The following RXRA variants were observed in gnomAD, a reference collection of about 807,000 sequenced individuals.
The protein encoded by RXRA is retinoid X receptor alpha, also known as retinoic acid receptor RXR-alpha.
RXRA carries 5 observed loss-of-function variants against 44.5 expected under a neutral mutation model. The ratio of observed to expected loss-of-function variants is 0.11; its 90% CI spans 0.06 to 0.24. The LOEUF (loss-of-function observed/expected upper bound fraction) is 0.24, where lower values mean the gene tolerates loss of function less well. RXRA is among the 10% of genes least tolerant of loss of function. The probability of loss-of-function intolerance (pLI) is 1.00; values close to 1 mark genes in which losing one functional copy is unlikely to be tolerated. For missense variants in RXRA, 412 were observed against 646.5 expected (o/e 0.64, Z 3.93); for synonymous variants, 291 against 271.4 (o/e 1.07, Z -0.71).
intron 1 of RXRA, 106 bp from the exon 2 acceptor site, chr9:134,401,525 CG>C (rs1830959325): frequency 6.4e-7 from 1 of 1,561,074 alleles, no homozygotes; most frequent in East Asian, 2.2e-5. Context: ...TTGAGGGTGC[CG>C]GGGTCTTCCC....
chr9:134,335,289 AG>A (rs774802870), intron 1 of RXRA, among the ~76,000 whole-genome samples: 198 of 152,266 alleles, frequency 1.3e-3, no homozygotes, highest in Admixed American at 5.3e-3. Flanking sequence ...ACTAGGCCTC[AG>A]TTGTCTCACC....
chr9:134,329,185 T>TG (rs1405748593), intron 1 of RXRA, among the ~76,000 whole-genome samples: 1 of 152,156 alleles, frequency 6.6e-6, no homozygotes, highest in Admixed American at 6.5e-5. Context: ...TTGGGGCACT[T>TG]GGGGGCCTGG....
chr9:134,368,076 C>T (rs992364707), intron 1 of RXRA, among the ~76,000 whole-genome samples: 2 of 152,244 alleles, frequency 1.3e-5, no homozygotes, highest in Non-Finnish European at 2.9e-5. Flanking sequence ...CAGGAGCCTG[C>T]GGCAGCGGGC....
intron 4 of RXRA, among the ~76,000 whole-genome samples, chr9:134,416,309 C>G (rs554430366): frequency 9.2e-5 from 14 of 152,162 alleles, no homozygotes; most frequent in African/African-American, 3.1e-4. Flanking sequence ...TGCCTCAGGC[C>G]CCTTTGCTGA....
intron 1 of RXRA, among the ~76,000 whole-genome samples, chr9:134,375,895 G>C (rs1830549622): frequency 6.6e-6 from 1 of 151,870 alleles, no homozygotes; most frequent in Non-Finnish European, 1.5e-5. Context: ...CCTGCGACTC[G>C]ATGGCAGAGG....
chr9:134,410,545 T>G (rs561618218), intron 4 of RXRA, among the ~76,000 whole-genome samples: 1 of 152,240 alleles, frequency 6.6e-6, no homozygotes, highest in Non-Finnish European at 1.5e-5. Context: ...TCCGGGTGCC[T>G]GGTGTGGGCA....
intron 1 of RXRA, among the ~76,000 whole-genome samples, chr9:134,371,181 C>A (rs140633391): frequency 1.3e-5 from 2 of 152,218 alleles, no homozygotes; most frequent in African/African-American, 4.8e-5. Flanking sequence ...TCCCTCCCAC[C>A]GGCCCAGTGG....
chr9:134,377,842 AC>A (rs1350190185), intron 1 of RXRA, among the ~76,000 whole-genome samples: 1 of 151,848 alleles, frequency 6.6e-6, no homozygotes, highest in Admixed American at 6.6e-5. Context: ...CTCCACACCC[AC>A]CTCCATCAGA....
At chr9:134,406,238 AAAAAAAATAGCTG>A (rs1831047862) in intron 2 of RXRA, 1 of 152,054 alleles carries the variant, frequency 6.6e-6, no homozygotes, top group Admixed American at 6.6e-5. Flanking sequence ...CACTAGAAAA[AAAAAAAATAGCTG>A]AGTGCAGTGG....
intron 1 of RXRA, among the ~76,000 whole-genome samples, chr9:134,348,161 C>A (rs928968484): frequency 1.3e-5 from 2 of 152,076 alleles, no homozygotes; most frequent in Non-Finnish European, 2.9e-5. Flanking sequence ...GGGTGCCAGG[C>A]GCGGCAGTTG....
intron 6 of RXRA, chr9:134,422,605 A>C (rs146904990): frequency 2.1e-5 from 17 of 803,002 alleles, no homozygotes; most frequent in African/African-American, 1.5e-4. Context: ...CCCCGCTCCC[A>C]GGACGCTCCC....
At chr9:134,429,936 A>G (rs1831503495) in intron 7 of RXRA, among the ~76,000 whole-genome samples, 2 of 151,336 alleles carry the variant, frequency 1.3e-5, no homozygotes, top group South Asian at 4.2e-4. Context: ...CCCAGGCTAG[A>G]TTGCAGTGGT....
At chr9:134,436,433 C>T (rs1183663344) in intron 9 of RXRA, 34 bp from the exon 10 acceptor site, 1 of 1,609,954 alleles carries the variant, frequency 6.2e-7, no homozygotes, top group Non-Finnish European at 8.5e-7. Flanking sequence ...GCCCATGCCC[C>T]TTGCCCGGCC....
At chr9:134,434,868 G>GGGC (rs1831590554) in intron 9 of RXRA, among the ~76,000 whole-genome samples, 2 of 150,908 alleles carry the variant, frequency 1.3e-5, no homozygotes, top group African/African-American at 4.9e-5. Context: ...GGGCGGGGAG[G>GGGC]GGGTCGGGGG....
At chr9:134,331,544 G>A (rs1835006211) in intron 1 of RXRA, among the ~76,000 whole-genome samples, 1 of 152,230 alleles carries the variant, frequency 6.6e-6, no homozygotes, top group Admixed American at 6.5e-5. Context: ...GGATCATGGT[G>A]CTCCCTGCTG....
intron 1 of RXRA, among the ~76,000 whole-genome samples, chr9:134,328,696 C>G (rs1020695034): frequency 1.3e-5 from 2 of 152,208 alleles, no homozygotes; most frequent in Non-Finnish European, 2.9e-5. Context: ...AATCCCTCCT[C>G]GGGGTGAGTG....
chr9:134,346,077 C>T (rs1446240497), intron 1 of RXRA, among the ~76,000 whole-genome samples: 2 of 152,176 alleles, frequency 1.3e-5, no homozygotes, highest in Non-Finnish European at 2.9e-5. Context: ...CGGGGTATGG[C>T]TGACAGCCCA....
rs1178025514 is a variant in RXRA at position 134,433,237 on chromosome 9, G to A, written c.1136-865G>A. On this transcript the variant is annotated intron_variant, in intron 8 of 9. Transcript: ENST00000481739. The surrounding 1 kb of genome is among the most constrained non-coding windows in gnomAD (Gnocchi z 4.2). ...CAGCTCGGAGGCTGAGTCATGCCAC[G>A]GCCCGGCCCGGCCCGAGGAATCCCC... Among the ~76,000 whole-genome samples, 9 of 152,134 alleles carry A rather than the reference G, an allele frequency of 5.9e-5. No homozygotes were observed. The highest frequency in any genetic ancestry group is 3.9e-4 in the Admixed American group (6 of 15,272).
At chr9:134,404,056 AC>A (rs1470259650) in intron 2 of RXRA, 2 of 151,584 alleles carry the variant, frequency 1.3e-5, no homozygotes, top group African/African-American at 2.4e-5. Flanking sequence ...TTGTCTTGGA[AC>A]CCTGGGGTTC....
Sources: allele counts gnomAD v4.1 joint callset (sites outside exome capture counted in the v4.1 genomes callset), GRCh38; gene constraint gnomAD v4.1.1; non-coding constraint Gnocchi (gnomAD v3.1); transcripts MANE v1.5; gene names NCBI Gene and HGNC (gene_info 2026-07-23, HGNC 2026-07-21).